Variants in CTNNA2 observed in about 807,000 individuals in gnomAD.
CTNNA2 encodes catenin alpha-2.
Under a neutral mutation model 101.0 loss-of-function variants are expected in CTNNA2, and 42 were observed. That is an observed-to-expected ratio of 0.42 (90% CI 0.32 to 0.54). The LOEUF is 0.54. Among genes scored for constraint, CTNNA2 ranks in the 20% least tolerant of loss-of-function variants. The pLI is 0.14. For missense variants in CTNNA2, 871 were observed against 1,223.1 expected, an observed-to-expected ratio of 0.71 and a Z score of 4.29; for synonymous variants, 450 against 456.4, an observed-to-expected ratio of 0.99 and a Z score of 0.18.
chr2:79,591,851 CT>C (rs1299181362), intron 1 of CTNNA2, among the ~76,000 whole-genome samples: 1 of 150,642 alleles, frequency 6.6e-6, no homozygotes, highest in Non-Finnish European at 1.5e-5. Flanking sequence ...CCTGCTGCAC[CT>C]GATTTGTTAT....
At chr2:79,258,465 TTGAATC>T (rs1558589530) in intron 2 of CTNNA2, among the ~76,000 whole-genome samples, 1 of 152,172 alleles carries the variant, frequency 6.6e-6, no homozygotes, top group East Asian at 1.9e-4. Context: ...AGCTCTGGAC[TTGAATC>T]TGTAAAGTAC....
At chr2:79,252,378 G>C (rs1293994428) in intron 2 of CTNNA2, among the ~76,000 whole-genome samples, 7 of 151,444 alleles carry the variant, frequency 4.6e-5, no homozygotes. Context: ...TTTTATGCTT[G>C]GATCTTTTTC....
intron 7 of CTNNA2, among the ~76,000 whole-genome samples, chr2:79,992,615 G>A (rs1033613298): frequency 3.3e-5 from 5 of 152,162 alleles, no homozygotes; most frequent in African/African-American, 4.8e-5. Context: ...TGCTAAGAGC[G>A]TTTATATGGG....
At chr2:79,682,491 C>A (rs1185886062) in intron 2 of CTNNA2, among the ~76,000 whole-genome samples, 2 of 150,810 alleles carry the variant, frequency 1.3e-5, no homozygotes, top group African/African-American at 2.4e-5. Context: ...ATTCTTTTGG[C>A]AAGACTTAAG....
At chr2:80,353,811 G>A (rs1004253508) in intron 7 of CTNNA2, among the ~76,000 whole-genome samples, 1 of 152,110 alleles carries the variant, frequency 6.6e-6, no homozygotes, top group African/African-American at 2.4e-5. Flanking sequence ...ACATTATTTA[G>A]TGCCCTGGAG....
chr2:79,801,297 C>T (rs1430972950), intron 3 of CTNNA2, among the ~76,000 whole-genome samples: 1 of 152,138 alleles, frequency 6.6e-6, no homozygotes, highest in Non-Finnish European at 1.5e-5. Context: ...TTGCTTTCTG[C>T]CCCAGGGTAT....
Position 80,619,323 on chromosome 2 carries a change from C to T in CTNNA2, c.2574+95C>T, listed in dbSNP as rs189642190. On this transcript the variant is annotated intron_variant, in intron 18 of 18. Transcript: ENST00000402739. ...GATTTTAGGGAAATAAAAATGTGCCCACTGAAGGCCTCTTAATATTAACCA... is the reference window on the plus strand; with the variant it reads ...GATTTTAGGGAAATAAAAATGTGCCTACTGAAGGCCTCTTAATATTAACCA... 230 of 1,309,268 alleles carry T rather than the reference C, an allele frequency of 1.8e-4. No individual in the cohort carries two copies. In the East Asian group the frequency reaches 6.1e-3, roughly 35 times the overall value. 81.1% of individuals were successfully genotyped at this position (1,309,268 alleles called of 1,614,324 possible). A position where few individuals can be genotyped will look rare whatever the true frequency, so the allele number is the denominator to read the frequency against.
chr2:79,953,744 G>A (rs928186147), intron 7 of CTNNA2, among the ~76,000 whole-genome samples: 3 of 152,126 alleles, frequency 2.0e-5, no homozygotes, highest in African/African-American at 7.2e-5. Flanking sequence ...GTTATCATGT[G>A]GATTGAAGGG....
chr2:79,306,429 A>G (rs1676250261), intron 2 of CTNNA2, among the ~76,000 whole-genome samples: 1 of 152,270 alleles, frequency 6.6e-6, no homozygotes, highest in Non-Finnish European at 1.5e-5. Context: ...AAATGTATAC[A>G]TATATCAAAG....
intron 2 of CTNNA2, among the ~76,000 whole-genome samples, chr2:79,680,203 C>T (rs1053450258): frequency 6.6e-6 from 1 of 151,610 alleles, no homozygotes; most frequent in Non-Finnish European, 1.5e-5. Context: ...CAGAAAATCT[C>T]GGGATTTAGA....
chr2:79,333,252 G>A (rs10176597), intron 3 of CTNNA2, among the ~76,000 whole-genome samples: 5,777 of 152,142 alleles, frequency 0.038, 255 homozygotes, highest in African/African-American at 0.11. Flanking sequence ...TGAAGGAGCA[G>A]GAGCAATCTA....
At chr2:79,346,674 T>C (rs575221779) in intron 3 of CTNNA2, among the ~76,000 whole-genome samples, 12 of 152,360 alleles carry the variant, frequency 7.9e-5, no homozygotes, top group Non-Finnish European at 1.3e-4. Flanking sequence ...TTTCAAACTT[T>C]TTTTCCAATA....
chr2:79,472,059 C>A (rs1259291642), intron 4 of CTNNA2, among the ~76,000 whole-genome samples: 1 of 152,132 alleles, frequency 6.6e-6, no homozygotes, highest in Non-Finnish European at 1.5e-5. Flanking sequence ...GAGTGACACC[C>A]CATGTCTAAT....
chr2:79,949,680 A>G (rs2196158), intron 7 of CTNNA2, among the ~76,000 whole-genome samples: 64,271 of 151,950 alleles, frequency 0.42, 14,380 homozygotes, highest in Non-Finnish European at 0.51. Context: ...TGGGAAGCTG[A>G]AATAGAAGGA....
At chr2:80,559,848 G>A (rs1366839710) in intron 12 of CTNNA2, among the ~76,000 whole-genome samples, 1 of 136,414 alleles carries the variant, frequency 7.3e-6, no homozygotes, top group Non-Finnish European at 1.6e-5. Context: ...AGGCTGAGGA[G>A]GGGTGAAAGC....
intron 17 of CTNNA2, among the ~76,000 whole-genome samples, chr2:80,611,683 C>T (rs1698480809): frequency 6.6e-6 from 1 of 151,358 alleles, no homozygotes; most frequent in African/African-American, 2.4e-5. Context: ...TTTTTAGCTA[C>T]CCAAAGATTT....
chr2:80,324,335 T>C, intron 7 of CTNNA2, among the ~76,000 whole-genome samples: 1 of 152,130 alleles, frequency 6.6e-6, no homozygotes, highest in East Asian at 1.9e-4. Flanking sequence ...AGTCAAGTCA[T>C]AGGCGAAGTC....
At chr2:79,798,295 T>G (rs566908319) in intron 3 of CTNNA2, among the ~76,000 whole-genome samples, 1 of 152,204 alleles carries the variant, frequency 6.6e-6, no homozygotes, top group Non-Finnish European at 1.5e-5. Context: ...CTTTTTTGTT[T>G]GTTTGTTTCA....
intron 7 of CTNNA2, among the ~76,000 whole-genome samples, chr2:80,140,955 C>G (rs1242276769): frequency 5.9e-5 from 9 of 152,140 alleles, no homozygotes; most frequent in African/African-American, 1.4e-4. Flanking sequence ...TGCACCAGCC[C>G]AAATGCTTCA....
Sources: allele counts gnomAD v4.1 joint callset (sites outside exome capture counted in the v4.1 genomes callset), GRCh38; gene constraint gnomAD v4.1.1; transcripts MANE v1.5; gene names NCBI Gene and HGNC (gene_info 2026-07-23, HGNC 2026-07-21).